Variants in XIRP2 observed in about 807,000 individuals in gnomAD.
XIRP2 encodes xin actin-binding repeat-containing protein 2.
XIRP2 carries 236 observed loss-of-function variants against 277.0 expected under a neutral mutation model. That is an observed-to-expected ratio of 0.85 (90% confidence interval 0.77 to 0.95). The LOEUF is 0.95. Ranked by LOEUF, XIRP2 falls within the 40% of genes least tolerant of loss-of-function variation. XIRP2 has a pLI of 0.00. For synonymous variants in XIRP2, 1,490 were observed against 1,416.5 expected (o/e 1.05, Z -1.17); for missense variants, 4,640 against 4,157.5 (o/e 1.12, Z -3.19).
chr2:167,105,515 C>T (rs1457153348), intron 2 of XIRP2, among the ~76,000 whole-genome samples: 4 of 151,716 alleles, frequency 2.6e-5, no homozygotes, highest in Non-Finnish European at 4.4e-5. Context: ...TATAGTATTC[C>T]ATGATATAGA....
chr2:167,156,325 G>A (rs1692195203), intron 3 of XIRP2, among the ~76,000 whole-genome samples: 1 of 152,072 alleles, frequency 6.6e-6, no homozygotes, highest in South Asian at 2.1e-4. Context: ...GTTAATGATA[G>A]CAACCGCTTA....
At chr2:167,031,539 T>C (rs1281741937) in intron 2 of XIRP2, among the ~76,000 whole-genome samples, 1 of 152,088 alleles carries the variant, frequency 6.6e-6, no homozygotes, top group Non-Finnish European at 1.5e-5. Context: ...AGATGACAAC[T>C]GTATATTTAG....
intron 2 of XIRP2, among the ~76,000 whole-genome samples, chr2:167,086,618 A>T (rs2105269360): frequency 6.6e-6 from 1 of 151,818 alleles, no homozygotes; most frequent in Non-Finnish European, 1.5e-5. Flanking sequence ...ATAGTCCCAT[A>T]TTTCTTGGAG....
At chr2:167,098,476 T>C (rs774502149) in intron 2 of XIRP2, among the ~76,000 whole-genome samples, 3 of 152,216 alleles carry the variant, frequency 2.0e-5, no homozygotes, top group Non-Finnish European at 4.4e-5. Context: ...TTAGCTTCCT[T>C]GCATTGGGTT....
At chr2:167,195,036 A>T (rs1487477241) in intron 3 of XIRP2, among the ~76,000 whole-genome samples, 1 of 152,142 alleles carries the variant, frequency 6.6e-6, no homozygotes, top group Non-Finnish European at 1.5e-5. Flanking sequence ...AAACTGCAAC[A>T]CACTAAAAAC....
intron 2 of XIRP2, among the ~76,000 whole-genome samples, chr2:167,119,962 T>G (rs776845414): frequency 3.3e-5 from 5 of 152,154 alleles, no homozygotes; most frequent in Non-Finnish European, 7.4e-5. Context: ...TTCCCTTCTG[T>G]GCTACTATAT....
At chr2:167,131,684 A>G (rs1270175528) in intron 2 of XIRP2, among the ~76,000 whole-genome samples, 1 of 152,084 alleles carries the variant, frequency 6.6e-6, no homozygotes, top group Non-Finnish European at 1.5e-5. Flanking sequence ...GCATTTTTCA[A>G]GGCTTGGTTC....
At position 166,945,527 on chromosome 2, in the gene XIRP2, A is replaced by C. The variant is rs1347230875; in HGVS notation, c.408+41637A>C. 2.0e-5 allele frequency among the ~76,000 whole-genome samples: 3 copies of C among 152,084 alleles called. No individual in the cohort carries two copies. The East Asian group carries it at 5.8e-4, about 29-fold the overall frequency. On this transcript the variant is annotated intron_variant, in intron 2 of 10. Coordinates refer to ENST00000409195, the MANE Select transcript of XIRP2 (RefSeq NM_152381.6). The stretch of plus-strand genomic sequence containing the variant: ...ATTTTTATAAAAGTAACGTATCGGA[A>C]AGACAGCGGTAACCCAACTCAATTC...
At chr2:167,187,215 G>T in intron 3 of XIRP2, 1 of 981,326 alleles carries the variant, frequency 1.0e-6, no homozygotes, top group South Asian at 4.7e-5. Context: ...ACATTACTGA[G>T]GGCACTATGA....
intron 2 of XIRP2, among the ~76,000 whole-genome samples, chr2:167,030,557 G>T (rs1193775690): frequency 1.3e-5 from 2 of 152,116 alleles, no homozygotes; most frequent in Non-Finnish European, 2.9e-5. Flanking sequence ...GTTCTCATTT[G>T]ATTGCACTGT....
chr2:167,248,373 C>A lies in XIRP2; in HGVS notation c.6981C>A (p.Pro2327=). 6.2e-7 allele frequency: 1 copy of A among 1,613,690 alleles called. No individual in the cohort carries two copies. The highest frequency in any genetic ancestry group is 1.3e-5 in the African/African-American group (1 of 74,940). The change falls in exon 9 of 11, where the codon CCC becomes CCA. Residue 2327 remains proline (P), a synonymous_variant. Coordinates refer to ENST00000409195, the MANE Select transcript of XIRP2 (RefSeq NM_152381.6). ...TTCCTGAAAAAAATGGGTTTCTTCC[C>A]TCACTGTCCACAGAGAAGATAAAGG... ...MMFPEKNGFL[P]SLSTEKIKAE...
At chr2:167,095,276 T>G (rs1316231569) in intron 2 of XIRP2, among the ~76,000 whole-genome samples, 5 of 152,202 alleles carry the variant, frequency 3.3e-5, no homozygotes, top group African/African-American at 1.2e-4. Context: ...TAATTTGATT[T>G]CCTCTCCTCC....
At chr2:167,122,386 T>A (rs1691081129) in intron 2 of XIRP2, among the ~76,000 whole-genome samples, 1 of 152,142 alleles carries the variant, frequency 6.6e-6, no homozygotes. Context: ...ATATGCCAAA[T>A]TGTTTTCTAT....
At chr2:167,086,213 G>A (rs901146268) in intron 2 of XIRP2, among the ~76,000 whole-genome samples, 1 of 152,000 alleles carries the variant, frequency 6.6e-6, no homozygotes, top group African/African-American at 2.4e-5. Flanking sequence ...GCTTAGTTTG[G>A]CTGGATATGA....
In XIRP2 at chr2:167,250,363, G is replaced by A. The variant is rs1261017792; in HGVS notation, c.8971G>A (p.Asp2991Asn). ...TATCCCAGGATGGCTGATAAGTGAA[G>A]ATAAGAGAGAATATGCAGTTCACAT... is the stretch of plus-strand genomic sequence containing the variant. ...NTIPGWLISEDKREYAVHIAM... is the reference protein window; with the variant it reads ...NTIPGWLISENKREYAVHIAM... Residue 2991 changes from aspartate (D) to asparagine (N), a missense_variant, in exon 9 of 11, where the codon GAT (aspartate) becomes AAT (asparagine). Physicochemically the swap from Asp to Asn is conservative, Grantham distance 23. Coordinates refer to ENST00000409195, the MANE Select transcript of XIRP2 (RefSeq NM_152381.6). The A allele has an allele frequency of 6.2e-7, 1 of 1,613,404 alleles. No individual in the cohort carries two copies. Among genetic ancestry groups the A allele is most frequent in the East Asian group, 2.2e-5 (1 of 44,814 alleles).
At chr2:167,178,740 A>C (rs1468387766) in intron 3 of XIRP2, among the ~76,000 whole-genome samples, 1 of 152,106 alleles carries the variant, frequency 6.6e-6, no homozygotes, top group Non-Finnish European at 1.5e-5. Context: ...ACTCAAATTA[A>C]ACTTTTTGCT....
At position 167,095,851 on chromosome 2, in the gene XIRP2, C is replaced by CTTTTTTTTTTTTTTTT. The variant is rs60405920; in HGVS notation, c.409-40033_409-40018dup. On this transcript the variant is annotated intron_variant, in intron 2 of 10. Transcript: ENST00000409195. ...TAAAAATGATTTAGGAGGCGTCACT[C>CTTTTTTTTTTTTTTTT]TTTTTTTTTTTTTTTTTTTTTTTTT... is the stretch of plus-strand genomic sequence containing the variant. Among the ~76,000 whole-genome samples the CTTTTTTTTTTTTTTTT allele has an allele frequency of 1.1e-4, 5 of 47,244 alleles. 2 individuals are homozygous for CTTTTTTTTTTTTTTTT. The highest frequency in any genetic ancestry group is 2.4e-4 in the Non-Finnish European group (5 of 20,630). The allele number at this position is 47,244 out of a possible 152,430, so 31.0% of individuals were successfully genotyped here.
intron 2 of XIRP2, among the ~76,000 whole-genome samples, chr2:167,026,904 G>C (rs1188921039): frequency 9.9e-5 from 15 of 152,038 alleles, no homozygotes. Flanking sequence ...CCCTTTGTGG[G>C]TAACCCGACC....
In XIRP2 at chr2:167,242,921, G is replaced by GA; in HGVS notation, c.1535dup (p.Asn512LysfsTer9). 3.1e-6 allele frequency: 5 copies of GA among 1,613,374 alleles called. No homozygotes were observed. Among genetic ancestry groups the GA allele is most frequent in the Non-Finnish European group, 2.5e-6 (3 of 1,179,820 alleles). On this transcript the variant is annotated frameshift_variant, in exon 9 of 11. Transcript: ENST00000409195. LOFTEE classifies it high-confidence loss of function. ...TATAAACACATCCATCCTGAGTTAA[G>GA]AAAAAACTTAGAAAAAGATTATATC...
Sources: gnomAD v4.1 joint callset for allele counts (sites outside exome capture counted in the v4.1 genomes callset) on GRCh38, gnomAD v4.1.1 for gene constraint, MANE v1.5 for transcripts, NCBI Gene and HGNC (gene_info 2026-07-23, HGNC 2026-07-21) for gene names.